OARD1: variants seen among roughly 807,000 people sequenced by gnomAD.
The protein encoded by OARD1 is O-acyl-ADP-ribose deacylase 1.
In OARD1, 19 loss-of-function variants were observed where a neutral mutation model predicts 19.7. That is an observed-to-expected ratio of 0.96 (90% confidence interval 0.67 to 1.41). OARD1 has a LOEUF of 1.41. Among genes scored for constraint, OARD1 ranks in the 40% most tolerant of loss-of-function variants. OARD1 has a pLI of 0.00. For synonymous variants in OARD1, 70 were observed against 61.8 expected (o/e 1.13, Z -0.62); for missense variants, 190 against 183.8 (o/e 1.03, Z -0.20).
upstream of OARD1, chr6:41,072,892 T>G (rs545263574): frequency 6.5e-6 from 1 of 153,196 alleles, no homozygotes; most frequent in East Asian, 1.9e-4. Flanking sequence ...TGAACTGGAG[T>G]TAGTGGGCGT....
At chr6:41,094,794 C>T (rs533515370) in intron 1 of OARD1, among the ~76,000 whole-genome samples, 3 of 152,126 alleles carry the variant, frequency 2.0e-5, no homozygotes, top group African/African-American at 7.2e-5. Context: ...CAAAAACTAG[C>T]CAGGCCTGGT....
At chr6:41,089,508 G>GAGAA in intron 1 of OARD1, 4 of 1,432,960 alleles carry the variant, frequency 2.8e-6, no homozygotes, top group Non-Finnish European at 3.7e-6. Flanking sequence ...GAGAAATGTG[G>GAGAA]ATAACTCTCG....
At chr6:41,095,014 C>G (rs1319873952) in intron 1 of OARD1, among the ~76,000 whole-genome samples, 1 of 152,140 alleles carries the variant, frequency 6.6e-6, no homozygotes, top group Non-Finnish European at 1.5e-5. Context: ...CTGGTCTAAT[C>G]CTCTCTTCTT....
chr6:41,073,598 C>T (rs975348774), upstream of OARD1, among the ~76,000 whole-genome samples: 1 of 152,128 alleles, frequency 6.6e-6, no homozygotes, highest in Non-Finnish European at 1.5e-5. Context: ...CCGGGTCTGT[C>T]TTATCTGCAG....
intron 1 of OARD1, among the ~76,000 whole-genome samples, chr6:41,092,256 G>T (rs1237244489): frequency 1.3e-5 from 2 of 152,224 alleles, no homozygotes; most frequent in Non-Finnish European, 2.9e-5. Flanking sequence ...CCCTGGCTCA[G>T]TGGCATGCAC....
upstream of OARD1, among the ~76,000 whole-genome samples, chr6:41,073,875 T>G (rs778274061): frequency 6.6e-6 from 1 of 152,042 alleles, no homozygotes; most frequent in Non-Finnish European, 1.5e-5. Flanking sequence ...CCCCGCCCCG[T>G]TCGCAGTGGC....
chr6:41,082,141 G>A (rs553875747), intron 1 of OARD1, among the ~76,000 whole-genome samples: 1 of 152,320 alleles, frequency 6.6e-6, no homozygotes, highest in African/African-American at 2.4e-5. Flanking sequence ...GCATCCAGCA[G>A]ATAACTACCT....
At chr6:41,077,355 A>G (rs145520578), upstream of OARD1, among the ~76,000 whole-genome samples, 887 of 152,208 alleles carry the variant, frequency 5.8e-3, 4 homozygotes, top group Non-Finnish European at 9.7e-3. Flanking sequence ...TCACCCTACA[A>G]TGTTCCTAAG....
intron 1 of OARD1, chr6:41,097,277 T>A (rs1764385176): frequency 1.5e-6 from 2 of 1,295,954 alleles, no homozygotes; most frequent in East Asian, 2.3e-5. Flanking sequence ...TGTATTCTCT[T>A]GGGGGGATAA....
At chr6:41,095,191 T>TA (rs1373350205) in intron 1 of OARD1, among the ~76,000 whole-genome samples, 1 of 152,162 alleles carries the variant, frequency 6.6e-6, no homozygotes, top group African/African-American at 2.4e-5. Context: ...CATTTGCACT[T>TA]AGACTGACAT....
Position 41,064,943 on chromosome 6 carries a change from A to T in OARD1, c.*2392T>A, listed in dbSNP as rs1277926190. The T allele has an allele frequency of 6.6e-6, 1 of 151,030 alleles. No homozygotes were observed. The highest frequency in any genetic ancestry group is 1.5e-5 in the Non-Finnish European group (1 of 67,850). 9.4% of individuals were successfully genotyped at this position (151,030 alleles called of 1,614,324 possible). On this transcript the variant is annotated 3_prime_UTR_variant, in exon 6 of 6. Transcript: ENST00000424266. ...TTTTTTAAAGGTTTGTTTGAGTCCTATGTGGAAGCAAAAATTCACAGGTGA... is the reference window on the plus strand; with the variant it reads ...TTTTTTAAAGGTTTGTTTGAGTCCTTTGTGGAAGCAAAAATTCACAGGTGA...
intron 1 of OARD1, chr6:41,071,902 C>T: frequency 2.1e-6 from 1 of 472,734 alleles, no homozygotes; most frequent in Non-Finnish European, 3.8e-6. Context: ...TCCTGGAGCG[C>T]CCCGCTCCGT....
At chr6:41,071,299 G>A (rs1763369282) in intron 2 of OARD1, 23 bp from the exon 3 acceptor site, 2 of 1,610,106 alleles carry the variant, frequency 1.2e-6, no homozygotes, top group African/African-American at 1.3e-5. Context: ...CAAAGGAAAA[G>A]ACAATGTTTT....
At chr6:41,090,643 T>C (rs187812058) in intron 1 of OARD1, among the ~76,000 whole-genome samples, 1 of 152,366 alleles carries the variant, frequency 6.6e-6, no homozygotes, top group Admixed American at 6.5e-5. Context: ...TTTAGAGTGC[T>C]ATTGCTGCTT....
At chr6:41,076,173 C>T (rs1016693015), upstream of OARD1, among the ~76,000 whole-genome samples, 5 of 151,994 alleles carry the variant, frequency 3.3e-5, no homozygotes, top group East Asian at 3.9e-4. Context: ...TTTGGGAAGC[C>T]GAAGTGGGAG....
chr6:41,067,150 C>G lies in OARD1; in HGVS notation c.*185G>C, dbSNP rs969969125. ...TCCACAAAAAAACACAACCACATAT[C>G]TTAAGCAAGCCCTCCTCCACAGTCA... On this transcript the variant is annotated 3_prime_UTR_variant, in exon 6 of 6. Transcript: ENST00000424266. 9 of 391,560 alleles carry G rather than the reference C, an allele frequency of 2.3e-5. No homozygotes were observed. Among genetic ancestry groups the G allele is most frequent in the Middle Eastern group, 4.3e-4 (1 of 2,322 alleles). The allele number at this position is 391,560 out of a possible 1,614,324, so 24.3% of individuals were successfully genotyped here. A position where few individuals can be genotyped will look rare whatever the true frequency, so the allele number is the denominator to read the frequency against.
intron 1 of OARD1, chr6:41,078,904 C>A (rs941492152): frequency 7.5e-6 from 4 of 530,550 alleles, no homozygotes; most frequent in African/African-American, 7.5e-5. Flanking sequence ...TGAATATAAG[C>A]ATTTCCTATT....
At chr6:41,089,762 G>A (rs746866480) in intron 1 of OARD1, 2 of 1,587,076 alleles carry the variant, frequency 1.3e-6, no homozygotes, top group South Asian at 2.3e-5. Context: ...GGAAGAGTCA[G>A]ATAACTGAGT....
chr6:41,065,474 T>C lies in OARD1; in HGVS notation c.*1861A>G, dbSNP rs1489639827. 1 of 152,204 alleles carries C rather than the reference T, an allele frequency of 6.6e-6. No homozygotes were observed. The highest frequency in any genetic ancestry group is 1.5e-5 in the Non-Finnish European group (1 of 68,028). 9.4% of individuals were successfully genotyped at this position (152,204 alleles called of 1,614,324 possible). On this transcript the variant is annotated 3_prime_UTR_variant, in exon 6 of 6. Coordinates refer to ENST00000424266, the MANE Select transcript of OARD1 (RefSeq NM_001329686.2). ...AGTTAAGCAAAATATTTTAAGTTTC[T>C]TTAAGTTTCTTATCCCCCACTCTCA...
Sources: gnomAD v4.1 joint callset for allele counts (sites outside exome capture counted in the v4.1 genomes callset) on GRCh38, gnomAD v4.1.1 for gene constraint, MANE v1.5 for transcripts, NCBI Gene and HGNC (gene_info 2026-07-23, HGNC 2026-07-21) for gene names.